PARP15: variants seen among roughly 807,000 people sequenced by gnomAD.
The protein encoded by PARP15 is poly(ADP-ribose) polymerase family member 15.
In PARP15, 50 loss-of-function variants were observed where a neutral mutation model predicts 62.1. The ratio of observed to expected loss-of-function variants is 0.81; its 90% CI spans 0.64 to 1.02. The LOEUF is 1.02. Among genes scored for constraint, PARP15 ranks in the 50% least tolerant of loss-of-function variants. The probability of loss-of-function intolerance (pLI) is 0.00; values close to 1 mark genes in which losing one functional copy is unlikely to be tolerated. For missense variants in PARP15, 820 were observed against 826.5 expected (o/e 0.99, Z 0.10); for synonymous variants, 309 against 293.1 (o/e 1.05, Z -0.55).
rs1178548433 is a variant in PARP15 at position 122,577,685 on chromosome 3, C to G, written c.18C>G (p.Pro6=). 6 of 1,551,588 alleles carry G rather than the reference C, an allele frequency of 3.9e-6. No individual in the cohort carries two copies. Among genetic ancestry groups the G allele is most frequent in the Non-Finnish European group, 5.2e-6 (6 of 1,146,882 alleles). Residue 6 remains proline (P), a synonymous_variant, in exon 1 of 12, where the codon CCC becomes CCG. Transcript: ENST00000464300. The part of the protein sequence containing the change: MAAPG[P]LPAAALSPGA... ...AGCTGAGGATGGCTGCGCCAGGCCC[C>G]CTTCCTGCCGCTGCTCTGAGTCCAG...
At position 122,635,107 on chromosome 3, in the gene PARP15, G is replaced by A. The variant is rs1000101516; in HGVS notation, c.1660G>A (p.Glu554Lys). Reference sequence around the variant, plus strand: ...TATCAAGAATGACCATAAGAATAATGAGAGACTCCTCTTCCATGGGACAGA... The same window carrying A: ...TATCAAGAATGACCATAAGAATAATAAGAGACTCCTCTTCCATGGGACAGA... Reference protein sequence around the residue: ...MDIKNDHKNNERLLFHGTDAD... With the variant: ...MDIKNDHKNNKRLLFHGTDAD... The change falls in exon 11 of 12, where the codon GAG becomes AAG. Residue 554 changes from glutamate to lysine, a missense_variant. Glu to Lys is a moderately conservative substitution (Grantham distance 56). Around this residue, in one of 3 missense-constraint regions of PARP15, gnomAD observed 731 missense variants for 727.7 expected, o/e 1.00. Coordinates refer to ENST00000464300, the MANE Select transcript of PARP15 (RefSeq NM_001113523.3). 3 of 1,614,010 alleles carry A rather than the reference G, an allele frequency of 1.9e-6. No homozygotes were observed. Among genetic ancestry groups the A allele is most frequent in the African/African-American group, 1.3e-5 (1 of 75,032 alleles).
chr3:122,591,317 C>T (rs1023482656), intron 1 of PARP15, among the ~76,000 whole-genome samples: 1 of 152,198 alleles, frequency 6.6e-6, no homozygotes, highest in Non-Finnish European at 1.5e-5. Context: ...AGATCCTTTA[C>T]AAGTCTCTCT....
At chr3:122,628,393 T>C (rs111763589) in intron 9 of PARP15, among the ~76,000 whole-genome samples, 10 of 152,282 alleles carry the variant, frequency 6.6e-5, no homozygotes, top group African/African-American at 1.9e-4. Context: ...TTCAGAAAGC[T>C]TTTACCAGAA....
intron 1 of PARP15, among the ~76,000 whole-genome samples, chr3:122,600,359 C>T (rs1485467471): frequency 6.6e-6 from 1 of 151,976 alleles, no homozygotes; most frequent in Admixed American, 6.6e-5. Flanking sequence ...GTTGACCTAC[C>T]CATTCCATCT....
rs1009905445 is a variant in PARP15, at chr3:122,638,755, G to T, written c.*2655G>T. ...TTTTCTCCCATTCTGTAGGTTGCCTGTTCACTCTGATGGTAGTTTCTTTTG... is the reference window on the plus strand; with the variant it reads ...TTTTCTCCCATTCTGTAGGTTGCCTTTTCACTCTGATGGTAGTTTCTTTTG... On this transcript the variant is annotated 3_prime_UTR_variant, in exon 12 of 12. Transcript: ENST00000464300. 3 of 152,038 alleles carry T rather than the reference G, an allele frequency of 2.0e-5. No individual in the cohort carries two copies. The highest frequency in any genetic ancestry group is 2.9e-5 in the Non-Finnish European group (2 of 68,022). 9.4% of individuals were successfully genotyped at this position (152,038 alleles called of 1,614,324 possible).
At chr3:122,594,831 A>T (rs891815153) in intron 1 of PARP15, 1 of 983,028 alleles carries the variant, frequency 1.0e-6, no homozygotes, top group African/African-American at 1.7e-5. Context: ...GGAACAGACA[A>T]CAACCATTAA....
intron 1 of PARP15, among the ~76,000 whole-genome samples, chr3:122,596,707 A>T (rs193065330): frequency 1.3e-5 from 2 of 152,352 alleles, no homozygotes; most frequent in East Asian, 3.9e-4. Flanking sequence ...GCTTATACTT[A>T]TACTTTGGAT....
intron 8 of PARP15, among the ~76,000 whole-genome samples, chr3:122,625,394 C>A (rs1297160563): frequency 3.9e-5 from 6 of 152,138 alleles, no homozygotes; most frequent in Admixed American, 3.9e-4. Context: ...GCTGGGATTA[C>A]AGGTGTCCGC....
chr3:122,634,181 T>C (rs1937220185), intron 10 of PARP15, among the ~76,000 whole-genome samples: 1 of 152,200 alleles, frequency 6.6e-6, no homozygotes, highest in African/African-American at 2.4e-5. Flanking sequence ...TCCTCTCAGA[T>C]TTCCTCCTCC....
At chr3:122,616,131 C>T (rs1412978515) in intron 5 of PARP15, among the ~76,000 whole-genome samples, 1 of 151,992 alleles carries the variant, frequency 6.6e-6, no homozygotes, top group African/African-American at 2.4e-5. Flanking sequence ...TTACTGATTG[C>T]TTTCATATAT....
At chr3:122,612,468 TCACC>T (rs1421646754) in intron 3 of PARP15, among the ~76,000 whole-genome samples, 7 of 152,072 alleles carry the variant, frequency 4.6e-5, no homozygotes, top group African/African-American at 1.7e-4. Context: ...TCTTGCTCTG[TCACC>T]CAGGCTGGAG....
chr3:122,609,943 C>T (rs1434054307), intron 2 of PARP15, among the ~76,000 whole-genome samples: 2 of 152,240 alleles, frequency 1.3e-5, no homozygotes, highest in Non-Finnish European at 2.9e-5. Context: ...ACTGCCTACC[C>T]TCACCTTAGT....
rs1553725411 is a variant in PARP15, at chr3:122,579,999, G to GTATGTA, written c.186+2149_186+2150insGTATAT. 2.3e-3 allele frequency among the ~76,000 whole-genome samples: 150 copies of GTATGTA among 64,448 alleles called. 4 individuals are homozygous for GTATGTA. The highest frequency in any genetic ancestry group is 6.2e-3 in the African/African-American group (124 of 20,158). The allele number at this position is 64,448 out of a possible 152,430, so 42.3% of individuals were successfully genotyped here. A position where few individuals can be genotyped will look rare whatever the true frequency, so the allele number is the denominator to read the frequency against. On this transcript the variant is annotated intron_variant, in intron 1 of 11. Coordinates refer to ENST00000464300, the MANE Select transcript of PARP15 (RefSeq NM_001113523.3). The stretch of plus-strand genomic sequence containing the variant: ...GTCTGAACAACAACAGCAACTATAT[G>GTATGTA]TATATATATATATATATATATATAT...
chr3:122,598,863 G>T (rs34760716), intron 1 of PARP15, among the ~76,000 whole-genome samples: 12,826 of 151,954 alleles, frequency 0.084, 548 homozygotes, highest in Non-Finnish European at 0.1. Context: ...AGAGCACCAC[G>T]GTCCTTTATT....
chr3:122,617,616 C>T (rs1391752958), intron 6 of PARP15, among the ~76,000 whole-genome samples: 5 of 152,180 alleles, frequency 3.3e-5, no homozygotes, highest in African/African-American at 7.2e-5. Flanking sequence ...AGAAATGAAA[C>T]GCAACCGTTT....
At chr3:122,602,391 C>T (rs142727610) in intron 1 of PARP15, among the ~76,000 whole-genome samples, 1 of 152,146 alleles carries the variant, frequency 6.6e-6, no homozygotes, top group African/African-American at 2.4e-5. Context: ...AAGTTATACA[C>T]TCTAGAGCTC....
At chr3:122,590,104 T>C (rs1414084926) in intron 1 of PARP15, among the ~76,000 whole-genome samples, 1 of 151,894 alleles carries the variant, frequency 6.6e-6, no homozygotes, top group East Asian at 1.9e-4. Flanking sequence ...GCCAGGATGG[T>C]CTTGATTTCC....
At chr3:122,591,392 T>C (rs546806062) in intron 1 of PARP15, among the ~76,000 whole-genome samples, 75 of 152,304 alleles carry the variant, frequency 4.9e-4, no homozygotes, top group African/African-American at 1.8e-3. Context: ...GCTCATGGAG[T>C]CTGTTACTGG....
chr3:122,589,887 ACTT>A lies in PARP15; in HGVS notation c.186+12035_186+12037del, dbSNP rs377386681. ...CAAAATGTATTATTTGTAAGGCATA[ACTT>A]TTTTTTTTTTTTTTTTTTTGAGACA... On this transcript the variant is annotated intron_variant, in intron 1 of 11. Transcript: ENST00000464300. 4.0e-3 allele frequency among the ~76,000 whole-genome samples: 522 copies of A among 130,388 alleles called. 5 individuals carry two copies. Among genetic ancestry groups the A allele is most frequent in the African/African-American group, 0.014 (467 of 34,480 alleles). The allele number at this position is 130,388 out of a possible 152,430, so 85.5% of individuals were successfully genotyped here.
Sources: gnomAD v4.1 joint callset for allele counts (sites outside exome capture counted in the v4.1 genomes callset) on GRCh38, gnomAD v4.1.1 for gene constraint, gnomAD v4.1.1 regional missense constraint, MANE v1.5 for transcripts, NCBI Gene and HGNC (gene_info 2026-07-23, HGNC 2026-07-21) for gene names.